The following EEFSEC variants were observed in gnomAD, a reference collection of about 807,000 sequenced individuals.
The protein encoded by EEFSEC is eukaryotic elongation factor, selenocysteine-tRNA specific, also known as selenocysteine-specific elongation factor.
In EEFSEC, 43 loss-of-function variants were observed where a neutral mutation model predicts 42.1. That is an observed-to-expected ratio of 1.02 (90% CI 0.80 to 1.32). The LOEUF is 1.32. Ranked by LOEUF, EEFSEC falls within the 40% of genes most tolerant of loss-of-function variation. EEFSEC has a pLI of 0.00. For missense variants in EEFSEC, 745 were observed against 803.6 expected (o/e 0.93, Z 0.88); for synonymous variants, 354 against 339.1 (o/e 1.04, Z -0.48).
At chr3:128,318,833 C>T (rs1278892695) in intron 4 of EEFSEC, among the ~76,000 whole-genome samples, 1 of 151,764 alleles carries the variant, frequency 6.6e-6, no homozygotes, top group African/African-American at 2.4e-5. Flanking sequence ...TGCCTGGCTT[C>T]GCCACCGAGG....
intron 1 of EEFSEC, among the ~76,000 whole-genome samples, chr3:128,206,238 C>A (rs1054093218): frequency 6.6e-6 from 1 of 152,148 alleles, no homozygotes; most frequent in African/African-American, 2.4e-5. Flanking sequence ...CTGCCCTGGG[C>A]AAAATCTGGT....
intron 4 of EEFSEC, among the ~76,000 whole-genome samples, chr3:128,328,705 G>C (rs528803829): frequency 4.6e-5 from 7 of 152,280 alleles, no homozygotes; most frequent in Non-Finnish European, 7.4e-5. Context: ...TGCCCCTCAG[G>C]GGGTGGGGCT....
At chr3:128,269,376 C>T (rs4470541) in intron 4 of EEFSEC, among the ~76,000 whole-genome samples, 3,910 of 152,304 alleles carry the variant, frequency 0.026, 102 homozygotes, top group Non-Finnish European at 0.038. Context: ...GCGGCATGTA[C>T]GAGAGCCCAT....
chr3:128,357,890 G>A lies in EEFSEC; in HGVS notation c.1444-327G>A, dbSNP rs541196673. Among the ~76,000 whole-genome samples the A allele has an allele frequency of 2.7e-5, 4 of 150,144 alleles. No homozygotes were observed. In the East Asian group the frequency reaches 7.7e-4, roughly 29 times the overall value. ...GACCTTGGATAGATGACAGAACTCT[G>A]CCGTGCCTCCATTTCCTCATCTGTA... On this transcript the variant is annotated intron_variant, in intron 5 of 6. Transcript: ENST00000254730.
At chr3:128,182,125 C>T (rs1023568479) in intron 1 of EEFSEC, among the ~76,000 whole-genome samples, 1 of 152,128 alleles carries the variant, frequency 6.6e-6, no homozygotes, top group African/African-American at 2.4e-5. Context: ...TTTTTGTTTT[C>T]TTTGATGGGG....
At chr3:128,321,628 C>T (rs1304093640) in intron 4 of EEFSEC, among the ~76,000 whole-genome samples, 1 of 152,172 alleles carries the variant, frequency 6.6e-6, no homozygotes, top group African/African-American at 2.4e-5. Flanking sequence ...CCCGCCTGTC[C>T]CTGCACTGGC....
chr3:128,369,085 C>T (rs1484510740), intron 6 of EEFSEC, among the ~76,000 whole-genome samples: 4 of 152,210 alleles, frequency 2.6e-5, no homozygotes, highest in Non-Finnish European at 5.9e-5. Flanking sequence ...AGGAGGCCAT[C>T]GCCCTGTTTC....
intron 5 of EEFSEC, among the ~76,000 whole-genome samples, chr3:128,342,613 G>A (rs2067268294): frequency 2.0e-5 from 3 of 152,260 alleles, no homozygotes; most frequent in Non-Finnish European, 4.4e-5. Context: ...GTTGAAGTAG[G>A]ATGAGGCCCT....
chr3:128,397,094 C>G (rs895551412), intron 6 of EEFSEC, among the ~76,000 whole-genome samples: 2 of 152,240 alleles, frequency 1.3e-5, no homozygotes, highest in Admixed American at 6.5e-5. Flanking sequence ...TGGCTCAGCC[C>G]CACTGCCCTG....
rs114204669 is a variant in EEFSEC, at chr3:128,341,915, C to T, written c.1443+26C>T. The T allele has an allele frequency of 2.1e-3, 3,426 of 1,597,156 alleles. 57 individuals carry two copies. In the African/African-American group the frequency reaches 0.039, roughly 18 times the overall value. On this transcript the variant is annotated intron_variant, in intron 5 of 6. Transcript: ENST00000254730. ...GTGAGCATGCCCTTGCCTGGCCCCA[C>T]ACCCCTTCCCTTCTTGCTCGGGCAG...
chr3:128,316,748 C>T (rs141748191), intron 4 of EEFSEC, among the ~76,000 whole-genome samples: 1 of 152,320 alleles, frequency 6.6e-6, no homozygotes, highest in African/African-American at 2.4e-5. Context: ...TCGGTGCCGC[C>T]AGCACCGTGA....
At chr3:128,355,114 C>T (rs990610614) in intron 5 of EEFSEC, among the ~76,000 whole-genome samples, 5 of 152,164 alleles carry the variant, frequency 3.3e-5, no homozygotes, top group Non-Finnish European at 7.3e-5. Context: ...GTGCAGTTGG[C>T]CTCCTCACAC....
intron 1 of EEFSEC, among the ~76,000 whole-genome samples, chr3:128,175,611 T>C (rs1353474777): frequency 1.3e-5 from 2 of 152,216 alleles, no homozygotes; most frequent in African/African-American, 4.8e-5. Flanking sequence ...CCTTACCATT[T>C]AATGAGTCCC....
At chr3:128,242,018 T>G (rs764433056) in intron 1 of EEFSEC, among the ~76,000 whole-genome samples, 5 of 152,180 alleles carry the variant, frequency 3.3e-5, no homozygotes, top group Non-Finnish European at 7.3e-5. Flanking sequence ...AAGTCACCAG[T>G]CAAAAACAAA....
chr3:128,343,659 C>T (rs1163844561), intron 5 of EEFSEC, among the ~76,000 whole-genome samples: 1 of 152,288 alleles, frequency 6.6e-6, no homozygotes, highest in South Asian at 2.1e-4. Context: ...TCTAATTGCT[C>T]CCACTCAGGC....
At chr3:128,337,286 C>G (rs1256303242) in intron 4 of EEFSEC, among the ~76,000 whole-genome samples, 1 of 152,294 alleles carries the variant, frequency 6.6e-6, no homozygotes, top group South Asian at 2.1e-4. Flanking sequence ...CCTGTCTAGG[C>G]CCTTAAAATC....
chr3:128,298,753 T>C (rs959973195), intron 4 of EEFSEC, among the ~76,000 whole-genome samples: 3 of 152,234 alleles, frequency 2.0e-5, no homozygotes, highest in African/African-American at 7.2e-5. Context: ...CAGCCTTTGG[T>C]AACCACCAAT....
chr3:128,328,474 G>A (rs373442816), intron 4 of EEFSEC, among the ~76,000 whole-genome samples: 32 of 152,332 alleles, frequency 2.1e-4, no homozygotes, highest in Non-Finnish European at 2.6e-4. Flanking sequence ...GGAGTGGGCC[G>A]TAAGCCCATT....
intron 1 of EEFSEC, among the ~76,000 whole-genome samples, chr3:128,162,675 T>C (rs1190297358): frequency 6.6e-6 from 1 of 152,212 alleles, no homozygotes; most frequent in African/African-American, 2.4e-5. Flanking sequence ...CAGGTAGTCA[T>C]ATTTCATTCT....
Sources: gnomAD v4.1 joint callset for allele counts (sites outside exome capture counted in the v4.1 genomes callset) on GRCh38, gnomAD v4.1.1 for gene constraint, MANE v1.5 for transcripts, NCBI Gene and HGNC (gene_info 2026-07-23, HGNC 2026-07-21) for gene names.